XNDC1N: variants seen among roughly 807,000 people sequenced by gnomAD.
XNDC1N encodes protein XNDC1N.
At chr11:71,899,091 C>T in the XNDC1N span, among the ~76,000 whole-genome samples, 1 of 152,152 alleles carries the variant, frequency 6.6e-6, no homozygotes, top group Non-Finnish European at 1.5e-5. Flanking sequence ...ATTATACGGA[C>T]ATCCTTAGAG....
chr11:71,879,529 T>G, the XNDC1N span, among the ~76,000 whole-genome samples: 1 of 152,164 alleles, frequency 6.6e-6, no homozygotes, highest in African/African-American at 2.4e-5. Flanking sequence ...TATATAATAC[T>G]TCATGATTCA....
At chr11:71,882,902 T>A in the XNDC1N span, among the ~76,000 whole-genome samples, 1 of 152,188 alleles carries the variant, frequency 6.6e-6, no homozygotes, top group African/African-American at 2.4e-5. Context: ...TCAGTAAAGT[T>A]GCAGGATAGA....
chr11:71,905,800 A>C, the XNDC1N span, among the ~76,000 whole-genome samples: 180 of 152,128 alleles, frequency 1.2e-3, 1 homozygote, highest in African/African-American at 3.8e-3. Context: ...GGGGTACACC[A>C]ACTGTGATAT....
the XNDC1N span, among the ~76,000 whole-genome samples, chr11:71,919,605 G>GTTTTT: frequency 5.2e-3 from 57 of 10,918 alleles, 1 homozygote; most frequent in African/African-American, 6.3e-3. Flanking sequence ...GGCCAGGTTG[G>GTTTTT]TTTTTTTTTT....
the XNDC1N span, among the ~76,000 whole-genome samples, chr11:71,896,879 T>C: frequency 3.1e-4 from 47 of 152,354 alleles, no homozygotes; most frequent in African/African-American, 9.1e-4. Context: ...TGTATCCTTA[T>C]CTGTTGTCAG....
At chr11:71,889,394 A>C in the XNDC1N span, among the ~76,000 whole-genome samples, 4,265 of 152,316 alleles carry the variant, frequency 0.028, 72 homozygotes, top group East Asian at 0.08. Context: ...CAGAGGCTCG[A>C]AAAGCAGCAT....
chr11:71,916,175 G>C, the XNDC1N span: 1 of 702,978 alleles, frequency 1.4e-6, no homozygotes, highest in Non-Finnish European at 2.6e-6. Context: ...CCAAAGGACT[G>C]ATGACGCGTG....
chr11:71,868,855 A>G, the XNDC1N span, among the ~76,000 whole-genome samples: 2 of 152,140 alleles, frequency 1.3e-5, no homozygotes, highest in Admixed American at 1.3e-4. Context: ...TTTATGGAAG[A>G]TATCCTCAAA....
the XNDC1N span, among the ~76,000 whole-genome samples, chr11:71,871,333 CAAAT>C: frequency 6.6e-6 from 1 of 152,098 alleles, no homozygotes; most frequent in Admixed American, 6.6e-5. Flanking sequence ...CAATCAAACT[CAAAT>C]AAGCAGAGAG....
At chr11:71,870,781 G>C in the XNDC1N span, among the ~76,000 whole-genome samples, 6 of 152,092 alleles carry the variant, frequency 3.9e-5, no homozygotes, top group African/African-American at 1.2e-4. Context: ...ATATGAAAAA[G>C]TGTTCAACCT....
chr11:71,886,815 G>A, the XNDC1N span, among the ~76,000 whole-genome samples: 1 of 152,156 alleles, frequency 6.6e-6, no homozygotes, highest in African/African-American at 2.4e-5. Flanking sequence ...AGAGAATGGA[G>A]GTCAGGCCCG....
the XNDC1N span, among the ~76,000 whole-genome samples, chr11:71,867,658 T>C: frequency 5.3e-5 from 8 of 152,220 alleles, no homozygotes; most frequent in African/African-American, 1.9e-4. Context: ...GAGAGTGTGG[T>C]TGGTATAATT....
chr11:71,916,214 G>A, the XNDC1N span: 31 of 702,614 alleles, frequency 4.4e-5, no homozygotes, highest in South Asian at 1.5e-4. Context: ...AGGCGAAGTC[G>A]ATCCCATAAC....
At chr11:71,894,046 GTCA>G in the XNDC1N span, 31 of 593,356 alleles carry the variant, frequency 5.2e-5, 1 homozygote, top group Middle Eastern at 1.5e-3. Flanking sequence ...TTCTGACAGC[GTCA>G]TCAATAGCAT....
At chr11:71,884,185 G>C in the XNDC1N span, 1 of 413,780 alleles carries the variant, frequency 2.4e-6, no homozygotes, top group African/African-American at 2.1e-5. Flanking sequence ...TTAAAATTCT[G>C]TACATTTCCA....
the XNDC1N span, among the ~76,000 whole-genome samples, chr11:71,920,288 G>A: frequency 6.2e-5 from 9 of 144,426 alleles, no homozygotes; most frequent in Non-Finnish European, 1.2e-4. Context: ...ACCATGATAC[G>A]CTATTTCATT....
chr11:71,916,128 G>A, the XNDC1N span: 1 of 703,014 alleles, frequency 1.4e-6, no homozygotes, highest in Non-Finnish European at 2.6e-6. Context: ...AGTCATCTAA[G>A]GAGTCCAGAG....
the XNDC1N span, among the ~76,000 whole-genome samples, chr11:71,899,816 T>C: frequency 6.6e-6 from 1 of 152,172 alleles, no homozygotes; most frequent in Non-Finnish European, 1.5e-5. Flanking sequence ...GGGTCTGTGC[T>C]GAGGTGGATT....
the XNDC1N span, among the ~76,000 whole-genome samples, chr11:71,890,231 T>G: frequency 1.3e-5 from 2 of 152,232 alleles, no homozygotes; most frequent in African/African-American, 4.8e-5. Context: ...ACAGGGTTGA[T>G]GTACACCCAC....
Sources: gnomAD v4.1 joint callset for allele counts (sites outside exome capture counted in the v4.1 genomes callset) on GRCh38, gnomAD v4.1.1 for gene constraint, MANE v1.5 for transcripts, NCBI Gene and HGNC (gene_info 2026-07-23, HGNC 2026-07-21) for gene names.